The following SHROOM3 variants were observed in gnomAD, a reference collection of about 807,000 sequenced individuals.
SHROOM3 encodes shroom family member 3, also known as protein Shroom3.
In SHROOM3, 47 loss-of-function variants were observed where a neutral mutation model predicts 138.6. The observed-to-expected ratio is 0.34, with a 90% confidence interval of 0.27 to 0.43. The LOEUF (loss-of-function observed/expected upper bound fraction) is 0.43. Among genes scored for constraint, SHROOM3 ranks in the 20% least tolerant of loss-of-function variants. The pLI is 1.00. For missense variants in SHROOM3, 2,491 were observed against 2,596.5 expected (o/e 0.96, Z 0.88); for synonymous variants, 1,062 against 1,063.3 (o/e 1.00, Z 0.02).
chr4:76,608,286 T>C (rs1414448452), intron 2 of SHROOM3, among the ~76,000 whole-genome samples: 3 of 152,198 alleles, frequency 2.0e-5, no homozygotes, highest in Non-Finnish European at 4.4e-5. Context: ...CAGCTTCACT[T>C]TGGCAAGTGC....
At chr4:76,643,965 C>T (rs1735749857) in intron 2 of SHROOM3, among the ~76,000 whole-genome samples, 1 of 152,026 alleles carries the variant, frequency 6.6e-6, no homozygotes, top group South Asian at 2.1e-4. Flanking sequence ...CTGCCTCGGC[C>T]TCCAAAGTAG....
In SHROOM3 at chr4:76,780,376, T is replaced by C. The variant is rs1224446122; in HGVS notation, c.*1199T>C. 1 of 152,240 alleles carries C rather than the reference T, an allele frequency of 6.6e-6. No individual in the cohort carries two copies. The allele number at this position is 152,240 out of a possible 1,614,324, so 9.4% of individuals were successfully genotyped here. A position where few individuals can be genotyped will look rare whatever the true frequency, so the allele number is the denominator to read the frequency against. ...TGTTTACAGCTGCTGGAGATGGCAG[T>C]AGCCTTATACTTTGAGCAGGTAGTA... On this transcript the variant is annotated 3_prime_UTR_variant, in exon 11 of 11. Transcript: ENST00000296043.
chr4:76,630,464 C>A (rs1393073062), intron 2 of SHROOM3, among the ~76,000 whole-genome samples: 3 of 152,062 alleles, frequency 2.0e-5, no homozygotes, highest in Non-Finnish European at 2.9e-5. Flanking sequence ...GTGGCACTTG[C>A]ATCCTGTACA....
chr4:76,689,443 G>C (rs1351089832), intron 2 of SHROOM3: 1 of 843,264 alleles, frequency 1.2e-6, no homozygotes, highest in African/African-American at 1.9e-5. Context: ...GACGAGAGGT[G>C]GGCGAGCGCC....
At chr4:76,702,166 A>C (rs764799701) in intron 2 of SHROOM3, among the ~76,000 whole-genome samples, 1 of 152,210 alleles carries the variant, frequency 6.6e-6, no homozygotes, top group African/African-American at 2.4e-5. Context: ...GTTGATACCT[A>C]CCAAAGTATA....
intron 2 of SHROOM3, among the ~76,000 whole-genome samples, chr4:76,687,240 C>T (rs1719368712): frequency 1.3e-5 from 2 of 152,172 alleles, no homozygotes; most frequent in Non-Finnish European, 2.9e-5. Context: ...CACCTTTTTC[C>T]TATGTGTAAC....
chr4:76,679,926 T>C (rs999103930), intron 2 of SHROOM3, among the ~76,000 whole-genome samples: 12 of 152,190 alleles, frequency 7.9e-5, no homozygotes, highest in Non-Finnish European at 1.6e-4. Context: ...CACATGTCTT[T>C]TTCAAAGAGT....
chr4:76,446,825 T>C (rs1172199403), intron 1 of SHROOM3, among the ~76,000 whole-genome samples: 1 of 152,192 alleles, frequency 6.6e-6, no homozygotes. Context: ...CCAAACTTTA[T>C]CTCATTTTGG....
chr4:76,699,863 T>G (rs1187473628), intron 2 of SHROOM3, among the ~76,000 whole-genome samples: 1 of 152,194 alleles, frequency 6.6e-6, no homozygotes, highest in East Asian at 1.9e-4. Flanking sequence ...ACTCCCCTGA[T>G]GCAGGATGTT....
intron 1 of SHROOM3, among the ~76,000 whole-genome samples, chr4:76,450,013 G>A (rs1730893898): frequency 6.6e-6 from 1 of 152,062 alleles, no homozygotes; most frequent in African/African-American, 2.4e-5. Flanking sequence ...GCACAGGGAG[G>A]GGTATTTCAT....
chr4:76,569,977 G>C (rs1334503212), intron 2 of SHROOM3, among the ~76,000 whole-genome samples: 1 of 152,104 alleles, frequency 6.6e-6, no homozygotes, highest in Non-Finnish European at 1.5e-5. Context: ...GTGTCCATTT[G>C]AGCAACTCCG....
chr4:76,605,966 T>C (rs1233007075), intron 2 of SHROOM3, among the ~76,000 whole-genome samples: 1 of 143,110 alleles, frequency 7.0e-6, no homozygotes, highest in East Asian at 2.0e-4. Context: ...TATATACATA[T>C]ATATACACAT....
rs1472089365 is a variant in SHROOM3, at chr4:76,782,614, A to C, written c.*3437A>C. The C allele has an allele frequency of 6.6e-6, 1 of 152,134 alleles. No homozygotes were observed. Among genetic ancestry groups the C allele is most frequent in the Non-Finnish European group, 1.5e-5 (1 of 68,028 alleles). The allele number at this position is 152,134 out of a possible 1,614,324, so 9.4% of individuals were successfully genotyped here. A position where few individuals can be genotyped will look rare whatever the true frequency, so the allele number is the denominator to read the frequency against. On this transcript the variant is annotated 3_prime_UTR_variant, in exon 11 of 11. Coordinates refer to ENST00000296043, the MANE Select transcript of SHROOM3 (RefSeq NM_020859.4). ...TGTGGTTCCAAATTTACTTCTCTTC[A>C]GTTTAATTGTCCATGGTAGTGCTGG...
intron 2 of SHROOM3, among the ~76,000 whole-genome samples, chr4:76,557,046 C>T (rs1409888842): frequency 6.6e-6 from 1 of 152,144 alleles, no homozygotes; most frequent in Non-Finnish European, 1.5e-5. Flanking sequence ...AATTCCAGGG[C>T]TGTCACCTGT....
Position 76,712,787 on chromosome 4 carries a change from TCATTAAG to T in SHROOM3, c.455+2502_455+2508del, listed in dbSNP as rs539638479. On this transcript the variant is annotated intron_variant, in intron 3 of 10. Coordinates refer to ENST00000296043, the MANE Select transcript of SHROOM3 (RefSeq NM_020859.4). ...ACAGGGATACATTCTGAGCAATGTG[TCATTAAG>T]CGATTTTATTGTTGCTGAACATACT... is the stretch of plus-strand genomic sequence containing the variant. Among the ~76,000 whole-genome samples, 22 of 152,328 alleles carry T rather than the reference TCATTAAG, an allele frequency of 1.4e-4. No individual in the cohort carries two copies. The South Asian group carries it at 4.4e-3, about 30-fold the overall frequency.
rs765342370 is a variant in SHROOM3 at position 76,673,270 on chromosome 4, T to C, written c.324-36886T>C. On this transcript the variant is annotated intron_variant, in intron 2 of 10. Coordinates refer to ENST00000296043, the MANE Select transcript of SHROOM3 (RefSeq NM_020859.4). Reference sequence around the variant, plus strand: ...TCTATGAATCTCTATCAGACTTGAGTTGGAATCACACTGTGTGATTAGGGA... The same window carrying C: ...TCTATGAATCTCTATCAGACTTGAGCTGGAATCACACTGTGTGATTAGGGA... Among the ~76,000 whole-genome samples the C allele has an allele frequency of 6.7e-4, 102 of 152,304 alleles. 2 individuals carry two copies. Among genetic ancestry groups the C allele is most frequent in the African/African-American group, 2.3e-3 (97 of 41,564 alleles).
intron 1 of SHROOM3, among the ~76,000 whole-genome samples, chr4:76,437,697 A>G (rs1203270080): frequency 6.6e-6 from 1 of 152,132 alleles, no homozygotes; most frequent in Non-Finnish European, 1.5e-5. Context: ...ATAAGGACCT[A>G]CTCTTCCTGA....
chr4:76,731,444 A>C (rs1720881855), intron 4 of SHROOM3, among the ~76,000 whole-genome samples: 1 of 152,202 alleles, frequency 6.6e-6, no homozygotes, highest in Non-Finnish European at 1.5e-5. Flanking sequence ...AGACTTCTTT[A>C]AAACAGATAC....
At chr4:76,588,685 G>A (rs115980275) in intron 2 of SHROOM3, among the ~76,000 whole-genome samples, 1,705 of 152,234 alleles carry the variant, frequency 0.011, 19 homozygotes, top group Non-Finnish European at 0.018. Flanking sequence ...GCAGCTGGGT[G>A]AAGACCTCCC....
Sources: gnomAD v4.1 joint callset for allele counts (sites outside exome capture counted in the v4.1 genomes callset) on GRCh38, gnomAD v4.1.1 for gene constraint, MANE v1.5 for transcripts, NCBI Gene and HGNC (gene_info 2026-07-23, HGNC 2026-07-21) for gene names.